SCAF8: variants seen among roughly 807,000 people sequenced by gnomAD.
SCAF8 encodes the protein SR-related and CTD-associated factor 8.
A neutral mutation model predicts 140.5 loss-of-function variants in SCAF8; 23 were observed. The ratio of observed to expected loss-of-function variants is 0.16; its 90% CI spans 0.12 to 0.23. SCAF8 has a LOEUF of 0.23. Ranked by LOEUF, SCAF8 falls within the 10% of genes least tolerant of loss-of-function variation. The pLI, the probability that SCAF8 is intolerant of heterozygous loss-of-function variation, is 1.00. For missense variants in SCAF8, 1,397 were observed against 1,555.7 expected, an observed-to-expected ratio of 0.90 and a Z score of 1.72; for synonymous variants, 575 against 528.9, an observed-to-expected ratio of 1.09 and a Z score of -1.20.
Position 154,805,365 on chromosome 6 carries a change from T to C in SCAF8, c.864-4T>C, listed in dbSNP as rs750419006. The C allele has an allele frequency of 6.4e-7, 1 of 1,568,346 alleles. No individual in the cohort carries two copies. The highest frequency in any genetic ancestry group is 8.8e-7 in the Non-Finnish European group (1 of 1,140,570). On this transcript the variant is annotated splice_region_variant and splice_polypyrimidine_tract_variant and intron_variant, in intron 8 of 19. Coordinates refer to ENST00000367178, the MANE Select transcript of SCAF8 (RefSeq NM_014892.5). ...AATATGTTTCCACCTGTTTTTCCTT[T>C]TAGTTCTCACGTTTCAGAATCTGTG...
chr6:154,822,885 T>C (rs917095560), intron 16 of SCAF8, among the ~76,000 whole-genome samples: 1 of 152,236 alleles, frequency 6.6e-6, no homozygotes, highest in African/African-American at 2.4e-5. Flanking sequence ...TTTGGAGCTT[T>C]TATTCTCAAT....
intron 1 of SCAF8, among the ~76,000 whole-genome samples, chr6:154,738,438 A>T (rs1038311933): frequency 6.6e-6 from 1 of 152,194 alleles, no homozygotes; most frequent in Non-Finnish European, 1.5e-5. Flanking sequence ...TCTTCTCACG[A>T]GTTAAATGAG....
At chr6:154,755,300 C>T (rs926445378) in intron 1 of SCAF8, among the ~76,000 whole-genome samples, 1 of 152,158 alleles carries the variant, frequency 6.6e-6, no homozygotes, top group Non-Finnish European at 1.5e-5. Flanking sequence ...GTCGCCCACA[C>T]TGGCATGCAG....
intron 8 of SCAF8, 42 bp from the exon 9 acceptor site, chr6:154,805,327 T>C (rs1313478329): frequency 1.1e-5 from 13 of 1,147,584 alleles, no homozygotes; most frequent in Admixed American, 8.9e-5. Flanking sequence ...ATAGTATCTT[T>C]AGTGGGTTTT....
At position 154,733,439 on chromosome 6, in the gene SCAF8, T is replaced by C. The variant is rs949502620; in HGVS notation, c.-462T>C. 1.0e-5 allele frequency: 14 copies of C among 1,396,386 alleles called. No individual in the cohort carries two copies. The highest frequency in any genetic ancestry group is 1.1e-5 in the Non-Finnish European group (12 of 1,074,866). 86.5% of individuals were successfully genotyped at this position (1,396,386 alleles called of 1,614,324 possible). A position where few individuals can be genotyped will look rare whatever the true frequency, so the allele number is the denominator to read the frequency against. ...CCATATTGGATGCCGCAGCCGCTGC[T>C]GCCAGCGCTTCCTCCTCTGTCTTCG... is the stretch of plus-strand genomic sequence containing the variant. On this transcript the variant is annotated 5_prime_UTR_variant, in exon 1 of 20. Coordinates refer to ENST00000367178, the MANE Select transcript of SCAF8 (RefSeq NM_014892.5).
At chr6:154,808,459 ATT>A (rs60459651) in intron 10 of SCAF8, among the ~76,000 whole-genome samples, 5,027 of 147,288 alleles carry the variant, frequency 0.034, 102 homozygotes, top group South Asian at 0.038. Flanking sequence ...TGTTTTTGCG[ATT>A]TTTTTTTTTT....
intron 1 of SCAF8, among the ~76,000 whole-genome samples, chr6:154,770,392 T>A (rs999525785): frequency 0.027 from 903 of 33,714 alleles, 13 homozygotes; most frequent in African/African-American, 0.2. Flanking sequence ...ACACACACTC[T>A]CTCTCTCTCT....
intron 1 of SCAF8, among the ~76,000 whole-genome samples, chr6:154,740,306 A>G (rs1255221600): frequency 6.6e-6 from 1 of 152,192 alleles, no homozygotes; most frequent in Non-Finnish European, 1.5e-5. Context: ...GCCTCTATGC[A>G]TTAGATGCCA....
intron 1 of SCAF8, among the ~76,000 whole-genome samples, chr6:154,750,870 A>G (rs1778820358): frequency 6.6e-6 from 1 of 152,124 alleles, no homozygotes; most frequent in Non-Finnish European, 1.5e-5. Context: ...TTATAAATGA[A>G]TTATTCTTTT....
intron 1 of SCAF8, among the ~76,000 whole-genome samples, chr6:154,769,732 T>C (rs1004661370): frequency 6.6e-6 from 1 of 152,264 alleles, no homozygotes; most frequent in Non-Finnish European, 1.5e-5. Context: ...AATTAAAATT[T>C]AGATCTTTCT....
chr6:154,809,942 C>G (rs1778040528), intron 11 of SCAF8, 73 bp from the exon 12 acceptor site: 1 of 1,185,058 alleles, frequency 8.4e-7, no homozygotes. Flanking sequence ...ATTGTTTTTT[C>G]CCTCACTTAG....
rs973745226 is a variant in SCAF8, at chr6:154,733,491, G to A, written c.-410G>A. 25 of 1,325,420 alleles carry A rather than the reference G, an allele frequency of 1.9e-5. No individual in the cohort carries two copies. In the African/African-American group the frequency reaches 2.5e-4, roughly 13 times the overall value. The allele number at this position is 1,325,420 out of a possible 1,614,324, so 82.1% of individuals were successfully genotyped here. A position where few individuals can be genotyped will look rare whatever the true frequency, so the allele number is the denominator to read the frequency against. On this transcript the variant is annotated 5_prime_UTR_variant, in exon 1 of 20. Transcript: ENST00000367178. ...CGAGCGGGGCTGGTTCCTGCGGCCC[G>A]AGCGGCGGGGAGGTGAAACAGGAGC...
At chr6:154,794,780 GGTGTGTGTGTGTGTGTGT>G (rs1183671310) in intron 5 of SCAF8, among the ~76,000 whole-genome samples, 5 of 12,530 alleles carry the variant, frequency 4.0e-4, no homozygotes, top group African/African-American at 1.3e-3. Context: ...GGGTGTGGGG[GGTGTGTGTGTGTGTGTGT>G]GTGTGTGTGT....
At chr6:154,768,175 GT>G (rs1256979241) in intron 1 of SCAF8, among the ~76,000 whole-genome samples, 1 of 152,080 alleles carries the variant, frequency 6.6e-6, no homozygotes, top group Admixed American at 6.5e-5. Context: ...AGATTCATTT[GT>G]CTTGAAAAGG....
rs57095332 is a variant in SCAF8 at position 154,790,489 on chromosome 6, A to ATTT, written c.322-2297_322-2295dup. ...TTGTAAAACATATACATTTAACAGA[A>ATTT]TTTTTTTTTTTTTTTTTTTTTTTTT... On this transcript the variant is annotated intron_variant, in intron 4 of 19. Coordinates refer to ENST00000367178, the MANE Select transcript of SCAF8 (RefSeq NM_014892.5). 6.6e-4 allele frequency among the ~76,000 whole-genome samples: 47 copies of ATTT among 70,878 alleles called. 4 individuals are homozygous for ATTT. The highest frequency in any genetic ancestry group is 7.4e-4 in the African/African-American group (14 of 18,800). 46.5% of individuals were successfully genotyped at this position (70,878 alleles called of 152,430 possible).
chr6:154,742,408 T>C (rs1000775675), intron 1 of SCAF8, among the ~76,000 whole-genome samples: 3 of 152,178 alleles, frequency 2.0e-5, no homozygotes, highest in African/African-American at 7.2e-5. Context: ...ATTATTGACA[T>C]ATATGCTATA....
In SCAF8 at chr6:154,832,353, A is replaced by G. The variant is rs753797438; in HGVS notation, c.2774A>G (p.Asp925Gly). The G allele has an allele frequency of 1.2e-6, 2 of 1,613,980 alleles. No individual in the cohort carries two copies. The highest frequency in any genetic ancestry group is 1.7e-6 in the Non-Finnish European group (2 of 1,179,984). ...NQRMPTMPML[D>G]IRPGLIPQAP... Reference sequence around the variant, plus strand: ...AGGATGCCCACAATGCCAATGTTAGACATTCGTCCGGGACTAATACCACAG... The same window carrying G: ...AGGATGCCCACAATGCCAATGTTAGGCATTCGTCCGGGACTAATACCACAG... Residue 925 changes from aspartate to glycine, a missense_variant, in exon 20 of 20, where the codon GAC becomes GGC. By Grantham distance (94) the Asp-to-Gly change is moderately conservative (BLOSUM62 -1). Around this residue, in one of 5 missense-constraint regions of SCAF8, gnomAD observed 930 missense variants for 874.6 expected, o/e 1.06. Transcript: ENST00000367178.
At chr6:154,781,390 A>G (rs531332761) in intron 3 of SCAF8, among the ~76,000 whole-genome samples, 3 of 152,366 alleles carry the variant, frequency 2.0e-5, no homozygotes, top group African/African-American at 4.8e-5. Context: ...GGAAGAATCA[A>G]TATCGTGAAC....
At position 154,794,758 on chromosome 6, in the gene SCAF8, G is replaced by GT. The variant is rs1777537768; in HGVS notation, c.476-250dup. Reference sequence around the variant, plus strand: ...GGACAAATTTGGACAGATCCTTTTGGTGGGGGGGGGGGGGTGTGGGGGGTG... The same window carrying GT: ...GGACAAATTTGGACAGATCCTTTTGGTTGGGGGGGGGGGGGTGTGGGGGGTG... On this transcript the variant is annotated intron_variant, in intron 5 of 19. Transcript: ENST00000367178. Among the ~76,000 whole-genome samples the GT allele has an allele frequency of 5.9e-5, 3 of 50,850 alleles. No individual in the cohort carries two copies. In the South Asian group the frequency reaches 2.3e-3, roughly 39 times the overall value. The allele number at this position is 50,850 out of a possible 152,430, so 33.4% of individuals were successfully genotyped here.
Sources: allele counts gnomAD v4.1 joint callset (sites outside exome capture counted in the v4.1 genomes callset), GRCh38; gene constraint gnomAD v4.1.1; regional missense constraint gnomAD v4.1.1; transcripts MANE v1.5; gene names NCBI Gene and HGNC (gene_info 2026-07-23, HGNC 2026-07-21).